The following NRG3 variants were observed in gnomAD, a reference collection of about 807,000 sequenced individuals.
NRG3 encodes neuregulin 3, also known as pro-neuregulin-3, membrane-bound isoform.
Under a neutral mutation model 66.9 loss-of-function variants are expected in NRG3, and 31 were observed. That is an observed-to-expected ratio of 0.46 (90% CI 0.35 to 0.63). NRG3 has a LOEUF of 0.63. Among genes scored for constraint, NRG3 ranks in the 20% least tolerant of loss-of-function variants. NRG3 has a pLI of 0.00. For missense variants in NRG3, 910 were observed against 878.9 expected (o/e 1.04, Z -0.45); for synonymous variants, 393 against 359.4 (o/e 1.09, Z -1.06).
At chr10:82,020,227 T>G (rs2061998710) in intron 1 of NRG3, among the ~76,000 whole-genome samples, 1 of 152,164 alleles carries the variant, frequency 6.6e-6, no homozygotes, top group South Asian at 2.1e-4. Context: ...GCCAAAGATG[T>G]GGCTTGCAAT....
intron 2 of NRG3, among the ~76,000 whole-genome samples, chr10:82,671,448 G>A (rs186509550): frequency 3.4e-4 from 52 of 152,310 alleles, no homozygotes; most frequent in African/African-American, 1.2e-3. Flanking sequence ...TGCCTTGAAA[G>A]TCTTTGATCT....
chr10:82,689,063 C>T (rs1310782132), intron 2 of NRG3, among the ~76,000 whole-genome samples: 3 of 152,112 alleles, frequency 2.0e-5, no homozygotes, highest in African/African-American at 4.8e-5. Context: ...AATCATATCT[C>T]CTTTTATAAA....
At chr10:81,936,705 A>G (rs2133053714) in intron 1 of NRG3, among the ~76,000 whole-genome samples, 1 of 152,224 alleles carries the variant, frequency 6.6e-6, no homozygotes, top group Middle Eastern at 3.4e-3. Flanking sequence ...CCACCCTGCT[A>G]TAGTCAGGGT....
chr10:82,984,480 C>T (rs189161818), intron 8 of NRG3, among the ~76,000 whole-genome samples: 9 of 152,288 alleles, frequency 5.9e-5, no homozygotes, highest in East Asian at 1.9e-4. Flanking sequence ...CCATTCCCAC[C>T]GGCTGGCTCA....
Position 82,471,846 on chromosome 10 carries a change from G to T in NRG3, c.953+112978G>T, listed in dbSNP as rs543518609. The stretch of plus-strand genomic sequence containing the variant: ...AGAGGTTGCAGTGAGCTGAGATGGT[G>T]CCATTGCACTCCAGCCTGGGCTACA... On this transcript the variant is annotated intron_variant, in intron 2 of 8. Transcript: ENST00000372141. 2.6e-4 allele frequency among the ~76,000 whole-genome samples: 39 copies of T among 151,236 alleles called. No homozygotes were observed. The South Asian group carries it at 8.1e-3, about 32-fold the overall frequency.
chr10:82,899,985 C>T (rs1050637365), intron 4 of NRG3, among the ~76,000 whole-genome samples: 3 of 152,274 alleles, frequency 2.0e-5, no homozygotes, highest in African/African-American at 7.2e-5. Flanking sequence ...ATTAGCTCAC[C>T]GTTCTGCAGG....
At chr10:82,928,625 T>TA (rs4034738) in intron 4 of NRG3, among the ~76,000 whole-genome samples, 194 of 150,166 alleles carry the variant, frequency 1.3e-3, no homozygotes, top group African/African-American at 4.4e-3. Flanking sequence ...TTTTTTTTTT[T>TA]AAAAGTAAAT....
At chr10:82,973,945 G>A (rs1361406524) in intron 7 of NRG3, 30 bp downstream of exon 7, 3 of 1,612,726 alleles carry the variant, frequency 1.9e-6, no homozygotes, top group Non-Finnish European at 2.5e-6. Flanking sequence ...GTGGGTGTGG[G>A]CACCTTCACA....
intron 2 of NRG3, among the ~76,000 whole-genome samples, chr10:82,633,720 G>A (rs74146134): frequency 0.09 from 13,673 of 152,122 alleles, 704 homozygotes; most frequent in East Asian, 0.22. Flanking sequence ...TCCACGAGAC[G>A]TTACTAGAAA....
intron 2 of NRG3, among the ~76,000 whole-genome samples, chr10:82,464,411 CTGAT>C (rs758297301): frequency 9.8e-5 from 15 of 152,292 alleles, no homozygotes; most frequent in Non-Finnish European, 1.8e-4. Context: ...GGGGGGAAGG[CTGAT>C]TGTGCAGCGG....
chr10:82,677,837 G>A (rs1340359491), intron 2 of NRG3, among the ~76,000 whole-genome samples: 1 of 152,184 alleles, frequency 6.6e-6, no homozygotes, highest in Non-Finnish European at 1.5e-5. Flanking sequence ...CAAGTGCACT[G>A]TTTGACGTTT....
At chr10:82,633,715 G>A (rs534639977) in intron 2 of NRG3, among the ~76,000 whole-genome samples, 1 of 152,256 alleles carries the variant, frequency 6.6e-6, no homozygotes, top group Non-Finnish European at 1.5e-5. Context: ...CTGTTTCCAC[G>A]AGACGTTACT....
intron 1 of NRG3, among the ~76,000 whole-genome samples, chr10:82,344,821 T>C (rs1362971600): frequency 3.7e-5 from 5 of 134,438 alleles, no homozygotes; most frequent in South Asian, 2.2e-4. Context: ...CCAGTGATGA[T>C]GAGCATTTTT....
intron 2 of NRG3, among the ~76,000 whole-genome samples, chr10:82,605,246 G>C (rs1343809627): frequency 6.6e-6 from 1 of 152,008 alleles, no homozygotes; most frequent in Non-Finnish European, 1.5e-5. Context: ...GTTTTATCAT[G>C]AAATGGTATG....
intron 1 of NRG3, among the ~76,000 whole-genome samples, chr10:82,149,899 C>G (rs1279206420): frequency 6.6e-6 from 1 of 152,060 alleles, no homozygotes; most frequent in Non-Finnish European, 1.5e-5. Context: ...TGGATCTAGA[C>G]TAGAATAGAA....
intron 1 of NRG3, among the ~76,000 whole-genome samples, chr10:82,333,263 A>G (rs2082227913): frequency 6.6e-6 from 1 of 152,220 alleles, no homozygotes; most frequent in Non-Finnish European, 1.5e-5. Context: ...GGAATGGCAA[A>G]TACCCACAAA....
intron 1 of NRG3, among the ~76,000 whole-genome samples, chr10:82,173,073 T>G (rs557843114): frequency 6.6e-6 from 1 of 152,254 alleles, no homozygotes; most frequent in East Asian, 1.9e-4. Flanking sequence ...TTTGCTTGGT[T>G]TTCACTACCA....
In NRG3 at chr10:82,464,470, A is replaced by G. The variant is rs114409669; in HGVS notation, c.953+105602A>G. 2.9e-3 allele frequency among the ~76,000 whole-genome samples: 436 copies of G among 152,270 alleles called. 1 individual carries two copies. Among genetic ancestry groups the G allele is most frequent in the African/African-American group, 0.01 (426 of 41,552 alleles). On this transcript the variant is annotated intron_variant, in intron 2 of 8. Transcript: ENST00000372141. Reference sequence around the variant, plus strand: ...AGAAGAAGGAAATCACATGCACATGATATCTTGGATATTTATATCTTGGGG... The same window carrying G: ...AGAAGAAGGAAATCACATGCACATGGTATCTTGGATATTTATATCTTGGGG...
chr10:82,980,279 A>T (rs1852730855), intron 8 of NRG3, among the ~76,000 whole-genome samples: 1 of 152,300 alleles, frequency 6.6e-6, no homozygotes, highest in African/African-American at 2.4e-5. Context: ...GCAGATTTTT[A>T]AAAATTATGT....
Sources: gnomAD v4.1 joint callset for allele counts (sites outside exome capture counted in the v4.1 genomes callset) on GRCh38, gnomAD v4.1.1 for gene constraint, MANE v1.5 for transcripts, NCBI Gene and HGNC (gene_info 2026-07-23, HGNC 2026-07-21) for gene names.